Variants in RSPH14 observed in about 807,000 individuals in gnomAD.
RSPH14 encodes rhabdoid tumor deletion region gene 1.
In RSPH14, 20 loss-of-function variants were observed where a neutral mutation model predicts 26.7. That is an observed-to-expected ratio of 0.75 (90% CI 0.53 to 1.09). The LOEUF (loss-of-function observed/expected upper bound fraction) is 1.09, where lower values mean the gene tolerates loss of function less well. RSPH14 is among the 50% of genes least tolerant of loss of function. RSPH14 has a pLI of 0.00. For missense variants in RSPH14, 449 were observed against 457.2 expected, an observed-to-expected ratio of 0.98 and a Z score of 0.16; for synonymous variants, 177 against 189.3, an observed-to-expected ratio of 0.93 and a Z score of 0.53.
At position 23,138,943 on chromosome 22, in the gene RSPH14, C is replaced by T; in HGVS notation, c.200-1G>A. The stretch of plus-strand genomic sequence containing the variant: ...AAAGCTTTCAGGTTCTCCATACAGC[C>T]TAGAAAAAAAAAAAAAAACAAACAA... On this transcript the variant is annotated splice_acceptor_variant, in intron 2 of 6. Coordinates refer to ENST00000216036, the MANE Select transcript of RSPH14 (RefSeq NM_014433.3). LOFTEE classifies it high-confidence loss of function. 7.1e-7 allele frequency: 1 copy of T among 1,416,510 alleles called. No individual in the cohort carries two copies. Among genetic ancestry groups the T allele is most frequent in the African/African-American group, 1.7e-5 (1 of 57,570 alleles). 87.7% of individuals were successfully genotyped at this position (1,416,510 alleles called of 1,614,324 possible).
chr22:23,107,283 C>T (rs955864907), intron 4 of RSPH14, among the ~76,000 whole-genome samples: 4 of 152,170 alleles, frequency 2.6e-5, no homozygotes, highest in African/African-American at 4.8e-5. Context: ...CAGAGGAGCC[C>T]CATCTGTCGC....
intron 4 of RSPH14, among the ~76,000 whole-genome samples, chr22:23,085,307 G>A (rs778764756): frequency 2.6e-5 from 4 of 152,240 alleles, no homozygotes; most frequent in Admixed American, 2.0e-4. Context: ...TCTCCCCAGC[G>A]AGAATACAAG....
the RSPH14 span, among the ~76,000 whole-genome samples, chr22:23,164,687 G>A: frequency 1.4e-4 from 22 of 152,172 alleles, no homozygotes; most frequent in African/African-American, 3.9e-4. Flanking sequence ...CACAGTGACC[G>A]CGTCCAAGTG....
the RSPH14 span, among the ~76,000 whole-genome samples, chr22:23,152,092 C>G: frequency 1.3e-5 from 2 of 152,262 alleles, no homozygotes; most frequent in African/African-American, 2.4e-5. Context: ...ACCCTCAGCA[C>G]AGCTCCCGGA....
At chr22:23,128,607 C>T (rs781009768) in intron 4 of RSPH14, among the ~76,000 whole-genome samples, 11 of 152,170 alleles carry the variant, frequency 7.2e-5, no homozygotes, top group Admixed American at 2.6e-4. Context: ...CTGGGGTGCC[C>T]CCTCCTGGTT....
At chr22:23,176,790 G>A in the RSPH14 span, among the ~76,000 whole-genome samples, 21 of 152,006 alleles carry the variant, frequency 1.4e-4, no homozygotes, top group Non-Finnish European at 2.9e-4. Context: ...CACCTCCCAC[G>A]CCCAACCTTC....
chr22:23,177,300 A>G, the RSPH14 span, among the ~76,000 whole-genome samples: 1 of 151,552 alleles, frequency 6.6e-6, no homozygotes, highest in Non-Finnish European at 1.5e-5. Context: ...CCTTTGCTAT[A>G]GCCGGGCTGT....
chr22:23,166,968 G>C, the RSPH14 span, among the ~76,000 whole-genome samples: 1 of 152,074 alleles, frequency 6.6e-6, no homozygotes, highest in Non-Finnish European at 1.5e-5. Flanking sequence ...CTGGAAGCTC[G>C]TTTAACCACA....
intron 4 of RSPH14, chr22:23,123,679 C>T (rs1462233189): frequency 1.9e-5 from 10 of 529,224 alleles, no homozygotes; most frequent in Non-Finnish European, 3.1e-5. Flanking sequence ...TCTAAAATGT[C>T]GAGGTCTCTT....
chr22:23,118,960 C>T (rs2069931019), intron 4 of RSPH14, among the ~76,000 whole-genome samples: 1 of 152,220 alleles, frequency 6.6e-6, no homozygotes, highest in Non-Finnish European at 1.5e-5. Flanking sequence ...GCAGGAGGCA[C>T]AGCCAGTCAT....
the RSPH14 span, among the ~76,000 whole-genome samples, chr22:23,160,283 A>C: frequency 1.3e-5 from 2 of 152,146 alleles, no homozygotes; most frequent in Non-Finnish European, 2.9e-5. Context: ...TATCAGAGTA[A>C]CAGTGAGTTC....
intron 4 of RSPH14, among the ~76,000 whole-genome samples, chr22:23,125,981 G>A (rs978008108): frequency 1.3e-5 from 2 of 151,982 alleles, no homozygotes; most frequent in Admixed American, 6.5e-5. Context: ...TGCTGTCACC[G>A]CCCCATCCCT....
chr22:23,155,678 CTCAG>C, the RSPH14 span, among the ~76,000 whole-genome samples: 16 of 152,230 alleles, frequency 1.1e-4, no homozygotes, highest in Non-Finnish European at 2.1e-4. Flanking sequence ...ATTTTAATGT[CTCAG>C]TCAGAAGGGA....
chr22:23,060,527 A>G (rs1429548254), intron 6 of RSPH14, among the ~76,000 whole-genome samples: 2 of 151,644 alleles, frequency 1.3e-5, no homozygotes, highest in Non-Finnish European at 2.9e-5. Context: ...TTTCTTGAGC[A>G]CCTACTCTGC....
At chr22:23,070,351 A>ACGGGCGGCGGGCGG (rs1239899649) in intron 4 of RSPH14, 1 of 88,370 alleles carries the variant, frequency 1.1e-5, no homozygotes, top group Non-Finnish European at 2.7e-5. Context: ...GGACCCGCGG[A>ACGGGCGGCGGGCGG]CTGGCGGCGG....
chr22:23,139,012 A>G (rs2070538491), intron 2 of RSPH14, 70 bp from the exon 3 acceptor site: 4 of 1,287,754 alleles, frequency 3.1e-6, no homozygotes, highest in Non-Finnish European at 4.3e-6. Flanking sequence ...CAACCAACCC[A>G]GAAGTCAATA....
rs985015908 is a variant in RSPH14, at chr22:23,071,092, C to T, written c.422-6959G>A. On this transcript the variant is annotated intron_variant, in intron 4 of 6. Coordinates refer to ENST00000216036, the MANE Select transcript of RSPH14 (RefSeq NM_014433.3). The surrounding 1 kb of genome is among the most constrained non-coding windows in gnomAD (Gnocchi z 4.1). ...CCGCAGACGGACAGCTAGCAGTTCT[C>T]GGTCACTGCTCTTGCAGCGAGCAGG... Among the ~76,000 whole-genome samples, 1 of 152,206 alleles carries T rather than the reference C, an allele frequency of 6.6e-6. No homozygotes were observed. Among genetic ancestry groups the T allele is most frequent in the South Asian group, 2.1e-4 (1 of 4,832 alleles).
intron 4 of RSPH14, among the ~76,000 whole-genome samples, chr22:23,110,853 A>C (rs1424420574): frequency 1.3e-5 from 2 of 152,144 alleles, no homozygotes; most frequent in Admixed American, 6.5e-5. Context: ...AGGGCCCACC[A>C]CACTCTGAGG....
upstream of RSPH14, chr22:23,146,010 C>G: frequency 1.0e-6 from 1 of 985,272 alleles, no homozygotes; most frequent in Non-Finnish European, 1.2e-6. Flanking sequence ...TGAGCTGTGC[C>G]ATGCCTCACA....
Sources: gnomAD v4.1 joint callset for allele counts (sites outside exome capture counted in the v4.1 genomes callset) on GRCh38, gnomAD v4.1.1 for gene constraint, Gnocchi (gnomAD v3.1) non-coding constraint, MANE v1.5 for transcripts, NCBI Gene and HGNC (gene_info 2026-07-23, HGNC 2026-07-21) for gene names.